Variants in ATP11B observed in about 807,000 individuals in gnomAD.
The protein encoded by ATP11B is ATPase phospholipid transporting 11B (putative).
Under a neutral mutation model 157.8 loss-of-function variants are expected in ATP11B, and 81 were observed. The ratio of observed to expected loss-of-function variants is 0.51; its 90% CI spans 0.43 to 0.62. The LOEUF (loss-of-function observed/expected upper bound fraction) is 0.62. Among genes scored for constraint, ATP11B ranks in the 20% least tolerant of loss-of-function variants. The probability of loss-of-function intolerance (pLI) is 0.00; values close to 1 mark genes in which losing one functional copy is unlikely to be tolerated. For synonymous variants in ATP11B, 451 were observed against 469.4 expected (o/e 0.96, Z 0.51); for missense variants, 1,165 against 1,402.2 (o/e 0.83, Z 2.70).
At chr3:182,829,865 C>A (rs1717995761) in intron 4 of ATP11B, 113 bp downstream of exon 4, 1 of 1,414,270 alleles carries the variant, frequency 7.1e-7, no homozygotes, top group Admixed American at 2.9e-5. Flanking sequence ...AAGAAAGCAG[C>A]AAATTTGTCT....
intron 1 of ATP11B, among the ~76,000 whole-genome samples, chr3:182,819,922 AT>A (rs1328312149): frequency 3.9e-5 from 6 of 151,940 alleles, no homozygotes; most frequent in Non-Finnish European, 7.4e-5. Context: ...CTCCCATATG[AT>A]TTTTTTTCAA....
chr3:182,852,663 A>G (rs778575858), intron 10 of ATP11B, among the ~76,000 whole-genome samples: 8 of 152,222 alleles, frequency 5.3e-5, no homozygotes, highest in South Asian at 4.1e-4. Context: ...CTGTATGTCA[A>G]AAATTCAATC....
chr3:182,891,159 T>G (rs917802289), intron 25 of ATP11B, among the ~76,000 whole-genome samples: 10 of 152,108 alleles, frequency 6.6e-5, no homozygotes, highest in African/African-American at 2.4e-4. Context: ...GACATATGAG[T>G]GAGTATGCTC....
chr3:182,882,187 G>A (rs540158320), intron 21 of ATP11B, among the ~76,000 whole-genome samples: 1 of 152,170 alleles, frequency 6.6e-6, no homozygotes, highest in South Asian at 2.1e-4. Flanking sequence ...TTTTCTGTGT[G>A]CCTCTTAGAT....
chr3:182,807,058 A>G (rs529124704), intron 1 of ATP11B, among the ~76,000 whole-genome samples: 2 of 152,012 alleles, frequency 1.3e-5, no homozygotes, highest in South Asian at 4.2e-4. Context: ...AAAAAAGACT[A>G]TCTGTCTTTG....
chr3:182,897,366 T>C lies in ATP11B; in HGVS notation c.3112T>C (p.Phe1038Leu). 1.3e-6 allele frequency: 2 copies of C among 1,592,838 alleles called. No homozygotes were observed. The highest frequency in any genetic ancestry group is 1.7e-6 in the Non-Finnish European group (2 of 1,173,664). The stretch of plus-strand genomic sequence containing the variant: ...TCTCGTTACCTGGGGATCTATTATA[T>C]TTTATTTTGTATTTTCCTTGTTTTA... The part of the protein sequence containing the change: ...NHLVTWGSII[F>L]YFVFSLFYGG... Residue 1038 changes from phenylalanine (F) to leucine (L), a missense_variant, in exon 27 of 30, where the codon TTT (phenylalanine) becomes CTT (leucine). Phe to Leu is a conservative substitution (Grantham distance 22). Transcript: ENST00000323116.
At chr3:182,881,571 GC>G (rs1193842516) in intron 21 of ATP11B, among the ~76,000 whole-genome samples, 1 of 150,668 alleles carries the variant, frequency 6.6e-6, no homozygotes, top group Non-Finnish European at 1.5e-5. Flanking sequence ...CTATAATTAA[GC>G]CCACTATTTA....
chr3:182,848,106 CAG>C (rs1719678233), intron 9 of ATP11B, among the ~76,000 whole-genome samples: 3 of 152,228 alleles, frequency 2.0e-5, no homozygotes, highest in African/African-American at 7.2e-5. Context: ...CCCAACCTAA[CAG>C]AAAGTGCTTT....
At chr3:182,911,185 A>G (rs1381426387) in intron 28 of ATP11B, among the ~76,000 whole-genome samples, 1 of 148,428 alleles carries the variant, frequency 6.7e-6, no homozygotes, top group Admixed American at 6.8e-5. Flanking sequence ...TGCGGAATAC[A>G]CACCACACTG....
intron 10 of ATP11B, among the ~76,000 whole-genome samples, chr3:182,856,710 A>G (rs1199074108): frequency 6.6e-6 from 1 of 152,230 alleles, no homozygotes; most frequent in Non-Finnish European, 1.5e-5. Context: ...TTCCTTATTT[A>G]CTGTCACAGC....
intron 7 of ATP11B, among the ~76,000 whole-genome samples, chr3:182,841,759 A>G (rs1189892832): frequency 1.3e-5 from 2 of 151,970 alleles, no homozygotes; most frequent in Non-Finnish European, 2.9e-5. Flanking sequence ...TGGGCGGATC[A>G]TGAGGTCAGG....
At chr3:182,905,475 A>T (rs1359336489) in intron 28 of ATP11B, among the ~76,000 whole-genome samples, 1 of 152,366 alleles carries the variant, frequency 6.6e-6, no homozygotes, top group African/African-American at 2.4e-5. Flanking sequence ...CCTTTTCAAT[A>T]AGAACCCTAA....
At position 182,820,328 on chromosome 3, in the gene ATP11B, C is replaced by G; in HGVS notation, c.96C>G (p.Gly32=). The change falls in exon 2 of 30, where the codon GGC becomes GGG. Residue 32 remains glycine (G), a synonymous_variant. Coordinates refer to ENST00000323116, the MANE Select transcript of ATP11B (RefSeq NM_014616.3). ...IYVANRFPQN[G]LYTPQKFIDN... ...TAGCCAACAGGTTTCCTCAGAATGG[C>G]CTTTACACACCTCAGAAATTTATAG... 1.2e-6 allele frequency: 2 copies of G among 1,613,564 alleles called. No individual in the cohort carries two copies. The highest frequency in any genetic ancestry group is 3.3e-5 in the Admixed American group (2 of 60,022).
chr3:182,884,932 A>G (rs1449196322), intron 22 of ATP11B, 34 bp downstream of exon 22: 2 of 1,191,262 alleles, frequency 1.7e-6, no homozygotes, highest in Non-Finnish European at 2.3e-6. Context: ...AATTATTGAT[A>G]TAGTAATATG....
chr3:182,838,997 ATG>A (rs1243017274), intron 7 of ATP11B, among the ~76,000 whole-genome samples: 1 of 152,174 alleles, frequency 6.6e-6, no homozygotes, highest in Non-Finnish European at 1.5e-5. Flanking sequence ...TGTAAAAATA[ATG>A]TGTGTGCAAT....
At chr3:182,862,818 G>GTT (rs61125208) in intron 12 of ATP11B, among the ~76,000 whole-genome samples, 13 of 142,802 alleles carry the variant, frequency 9.1e-5, no homozygotes, top group South Asian at 2.2e-4. Context: ...TTCTTTTTCT[G>GTT]TTTTTTTTTT....
chr3:182,918,071 G>A lies in ATP11B; in HGVS notation c.3501G>A (p.Leu1167=). 6.2e-7 allele frequency: 1 copy of A among 1,613,338 alleles called. No homozygotes were observed. Among genetic ancestry groups the A allele is most frequent in the Non-Finnish European group, 8.5e-7 (1 of 1,179,536 alleles). ...DPFYTNDRSI[L]TLSTMDSSTC ...TCTATACCAACGACAGGAGCATCTT[G>A]ACTCTCTCCACAATGGACTCATCTA... Residue 1167 remains leucine, a synonymous_variant, in exon 30 of 30, where the codon TTG becomes TTA. Coordinates refer to ENST00000323116, the MANE Select transcript of ATP11B (RefSeq NM_014616.3).
intron 10 of ATP11B, among the ~76,000 whole-genome samples, chr3:182,855,002 A>G (rs188285819): frequency 3.0e-4 from 45 of 152,352 alleles, no homozygotes; most frequent in African/African-American, 9.9e-4. Flanking sequence ...TCCCAAATCG[A>G]TTAATAGGTA....
chr3:182,881,074 C>T (rs935088105), intron 21 of ATP11B, 93 bp downstream of exon 21: 10 of 929,686 alleles, frequency 1.1e-5, no homozygotes, highest in Admixed American at 2.9e-5. Flanking sequence ...GATTAAAGTA[C>T]AGTATCAAAT....
Sources: allele counts gnomAD v4.1 joint callset (sites outside exome capture counted in the v4.1 genomes callset), GRCh38; gene constraint gnomAD v4.1.1; transcripts MANE v1.5; gene names NCBI Gene and HGNC (gene_info 2026-07-23, HGNC 2026-07-21).